The following CAND2 variants were observed in gnomAD, a reference collection of about 807,000 sequenced individuals.
CAND2 encodes cullin associated and neddylation dissociated 2 (putative).
CAND2 carries 62 observed loss-of-function variants against 98.9 expected under a neutral mutation model. The ratio of observed to expected loss-of-function variants is 0.63; its 90% confidence interval spans 0.51 to 0.77. CAND2 has a LOEUF of 0.77. Ranked by LOEUF, CAND2 falls within the 30% of genes least tolerant of loss-of-function variation. The pLI is 0.00. For synonymous variants in CAND2, 770 were observed against 731.9 expected, an observed-to-expected ratio of 1.05 and a Z score of -0.84; for missense variants, 1,501 against 1,655.2, an observed-to-expected ratio of 0.91 and a Z score of 1.62.
At chr3:12,798,694 G>C (rs1268544595) in intron 1 of CAND2, among the ~76,000 whole-genome samples, 2 of 152,220 alleles carry the variant, frequency 1.3e-5, no homozygotes, top group East Asian at 3.8e-4. Context: ...GGCCCTGCCA[G>C]CTACAGCCCG....
chr3:12,829,462 A>T (rs528757476), intron 13 of CAND2, among the ~76,000 whole-genome samples: 1 of 152,368 alleles, frequency 6.6e-6, no homozygotes, highest in South Asian at 2.1e-4. Flanking sequence ...TTACAACTTT[A>T]AAAAATATGT....
At chr3:12,816,064 C>A in intron 9 of CAND2, 56 bp downstream of exon 9, 3 of 1,549,942 alleles carry the variant, frequency 1.9e-6, no homozygotes, top group Non-Finnish European at 2.7e-6. Flanking sequence ...AGAACCCAGA[C>A]CCCACCCCTG....
rs369589797 is a variant in CAND2 at position 12,816,737 on chromosome 3, T to G, written c.1805T>G (p.Leu602Arg). ...TGCATGGGCCACCTTGTAGGCCACC[T>G]GGGTGACCGGCTTGGGGATGACCTG... ...ISCMGHLVGH[L>R]GDRLGDDLEP... Residue 602 changes from leucine to arginine, a missense_variant, in exon 10 of 15, where the codon CTG becomes CGG. Around this residue, in one of 3 missense-constraint regions of CAND2, gnomAD observed 1,427 missense variants for 1,545.3 expected, o/e 0.92. Transcript: ENST00000456430. 41 of 1,613,690 alleles carry G rather than the reference T, an allele frequency of 2.5e-5. No individual in the cohort carries two copies. The highest frequency in any genetic ancestry group is 3.3e-5 in the Non-Finnish European group (39 of 1,180,024).
intron 1 of CAND2, among the ~76,000 whole-genome samples, chr3:12,801,893 C>A (rs532785873): frequency 6.6e-6 from 1 of 152,230 alleles, no homozygotes; most frequent in Non-Finnish European, 1.5e-5. Flanking sequence ...CTGATGCTGG[C>A]TATAGCTGGA....
At chr3:12,819,119 G>A (rs551492153) in intron 10 of CAND2, among the ~76,000 whole-genome samples, 9 of 151,410 alleles carry the variant, frequency 5.9e-5, no homozygotes, top group Admixed American at 5.2e-4. Flanking sequence ...GCCTTCAGTC[G>A]TCCTTGGCCT....
At position 12,816,533 on chromosome 3, in the gene CAND2, T is replaced by C; in HGVS notation, c.1601T>C (p.Phe534Ser). 1 of 1,614,000 alleles carries C rather than the reference T, an allele frequency of 6.2e-7. No individual in the cohort carries two copies. Among genetic ancestry groups the C allele is most frequent in the Non-Finnish European group, 8.5e-7 (1 of 1,180,004 alleles). ...GTGATGGCCTGTGTGGCTGACTCTT[T>C]CTACAAGATTGCAGCCGAGGCCCTG... ...PPVMACVADS[F>S]YKIAAEALVV... The change falls in exon 10 of 15, where the codon TTC becomes TCC. Residue 534 changes from phenylalanine (F) to serine (S), a missense_variant. By Grantham distance (155) the Phe-to-Ser change is radical. Coordinates refer to ENST00000456430, the MANE Select transcript of CAND2 (RefSeq NM_001162499.2).
chr3:12,821,965 A>C (rs1434417068), intron 11 of CAND2, among the ~76,000 whole-genome samples: 1 of 152,124 alleles, frequency 6.6e-6, no homozygotes, highest in Non-Finnish European at 1.5e-5. Flanking sequence ...ACATAAAATA[A>C]GTATTTTATG....
chr3:12,803,672 C>CAGG, intron 2 of CAND2, 41 bp downstream of exon 2: 1 of 1,538,888 alleles, frequency 6.5e-7, no homozygotes, highest in Admixed American at 1.9e-5. Flanking sequence ...GGGGCCCTAC[C>CAGG]TTGTGTGGGA....
At chr3:12,814,011 A>G (rs763229342) in intron 7 of CAND2, among the ~76,000 whole-genome samples, 10 of 152,210 alleles carry the variant, frequency 6.6e-5, no homozygotes, top group Admixed American at 2.0e-4. Context: ...TTGGAACAAG[A>G]TGGGATGGTA....
At chr3:12,800,493 GC>G (rs1190630542) in intron 1 of CAND2, among the ~76,000 whole-genome samples, 1 of 152,172 alleles carries the variant, frequency 6.6e-6, no homozygotes. Context: ...TTTCTCCGAG[GC>G]AGCCTTACAG....
chr3:12,816,980 A>G lies in CAND2; in HGVS notation c.2048A>G (p.Gln683Arg), dbSNP rs780194496. The change falls in exon 10 of 15, where the codon CAG becomes CGG. Residue 683 changes from glutamine (Q) to arginine (R), a missense_variant. Coordinates refer to ENST00000456430, the MANE Select transcript of CAND2 (RefSeq NM_001162499.2). ...LAALDALAQS[Q>R]GLSLPPSAVQ... ...GCCCTGGACGCCCTGGCCCAGAGCC[A>G]GGGCCTCAGCCTCCCACCGTCTGCC... The G allele has an allele frequency of 1.9e-6, 3 of 1,613,050 alleles. No homozygotes were observed. The highest frequency in any genetic ancestry group is 1.7e-4 in the Middle Eastern group (1 of 6,056).
chr3:12,807,940 C>T (rs906925782), intron 3 of CAND2, among the ~76,000 whole-genome samples: 2 of 152,208 alleles, frequency 1.3e-5, no homozygotes, highest in Non-Finnish European at 2.9e-5. Flanking sequence ...AAGTGTTTAA[C>T]TTTCCCTGCC....
intron 5 of CAND2, 98 bp downstream of exon 5, chr3:12,810,422 G>T (rs950880187): frequency 8.5e-7 from 1 of 1,172,438 alleles, no homozygotes; most frequent in Non-Finnish European, 1.1e-6. Flanking sequence ...CCGCAGTGCA[G>T]CCAGGGCCTA....
intron 1 of CAND2, among the ~76,000 whole-genome samples, chr3:12,800,969 G>A (rs533808754): frequency 1.2e-3 from 181 of 151,576 alleles, no homozygotes; most frequent in African/African-American, 4.0e-3. Context: ...GTGATCTGGC[G>A]ACCTTGGCCT....
In CAND2 at chr3:12,825,852, T is replaced by C. The variant is rs369601916; in HGVS notation, c.3210+213T>C. 1.1e-4 allele frequency among the ~76,000 whole-genome samples: 17 copies of C among 152,352 alleles called. 1 individual carries two copies. The highest frequency in any genetic ancestry group is 6.5e-4 in the Admixed American group (10 of 15,296). On this transcript the variant is annotated intron_variant, in intron 12 of 14. Coordinates refer to ENST00000456430, the MANE Select transcript of CAND2 (RefSeq NM_001162499.2). ...CCTCGTGAGCACATGAGGGTGCTAA[T>C]TGTGTCTGCGTCATAGGGTTGCTGC...
At chr3:12,814,927 A>C (rs1021686329) in intron 7 of CAND2, among the ~76,000 whole-genome samples, 2 of 152,174 alleles carry the variant, frequency 1.3e-5, no homozygotes, top group African/African-American at 4.8e-5. Context: ...AAGCTAAAAT[A>C]AGATTATGGG....
At chr3:12,799,703 C>G (rs2061752828) in intron 1 of CAND2, among the ~76,000 whole-genome samples, 1 of 152,218 alleles carries the variant, frequency 6.6e-6, no homozygotes, top group South Asian at 2.1e-4. Context: ...AGCCTCTGCC[C>G]TCAGTGAGTG....
At chr3:12,820,027 C>T (rs2061943633) in intron 10 of CAND2, 59 bp from the exon 11 acceptor site, 1 of 1,374,328 alleles carries the variant, frequency 7.3e-7, no homozygotes, top group Non-Finnish European at 1.0e-6. Flanking sequence ...ACCTTCTGAT[C>T]TGTGAGCCTC....
chr3:12,813,108 G>C lies in CAND2; in HGVS notation c.863+13G>C. ...CCTTCTTGAGGAAGTATGTATGGTG[G>C]GGTTGCCTGGGGATCCCTTTGGGAA... On this transcript the variant is annotated intron_variant, in intron 6 of 14. Coordinates refer to ENST00000456430, the MANE Select transcript of CAND2 (RefSeq NM_001162499.2). 2 of 1,568,870 alleles carry C rather than the reference G, an allele frequency of 1.3e-6. No homozygotes were observed. Among genetic ancestry groups the C allele is most frequent in the Non-Finnish European group, 1.7e-6 (2 of 1,155,542 alleles).
Sources: allele counts gnomAD v4.1 joint callset (sites outside exome capture counted in the v4.1 genomes callset), GRCh38; gene constraint gnomAD v4.1.1; regional missense constraint gnomAD v4.1.1; transcripts MANE v1.5; gene names NCBI Gene and HGNC (gene_info 2026-07-23, HGNC 2026-07-21).